The following CLSTN2 variants were observed in gnomAD, a reference collection of about 807,000 sequenced individuals.
CLSTN2 encodes the protein calsyntenin-2.
In CLSTN2, 48 loss-of-function variants were observed where a neutral mutation model predicts 101.2. That is an observed-to-expected ratio of 0.47 (90% CI 0.38 to 0.60). The LOEUF is 0.60. CLSTN2 is among the 20% of genes least tolerant of loss of function. The pLI is 0.00. For synonymous variants in CLSTN2, 481 were observed against 463.6 expected (o/e 1.04, Z -0.48); for missense variants, 1,160 against 1,238.2 (o/e 0.94, Z 0.95).
intron 1 of CLSTN2, among the ~76,000 whole-genome samples, chr3:140,169,529 C>G (rs954157934): frequency 6.6e-5 from 10 of 152,042 alleles, no homozygotes; most frequent in African/African-American, 2.4e-4. Context: ...AGTGGGCCAT[C>G]CTTGTATTCT....
intron 2 of CLSTN2, among the ~76,000 whole-genome samples, chr3:140,322,572 C>G (rs897311099): frequency 6.6e-6 from 1 of 152,166 alleles, no homozygotes; most frequent in East Asian, 1.9e-4. Context: ...TGTACTGAGT[C>G]TTTTAGAATA....
At position 140,266,085 on chromosome 3, in the gene CLSTN2, A is replaced by G. The variant is rs141574239; in HGVS notation, c.232+90012A>G. Among the ~76,000 whole-genome samples the G allele has an allele frequency of 4.3e-3, 654 of 152,234 alleles. 4 individuals are homozygous for G. The highest frequency in any genetic ancestry group is 0.015 in the African/African-American group (616 of 41,538). ...ACAGCCTTCAATAGCTCAACATCTG[A>G]AACAGAGGTGCTGGATTGCTGAGGG... On this transcript the variant is annotated intron_variant, in intron 2 of 16. Coordinates refer to ENST00000458420, the MANE Select transcript of CLSTN2 (RefSeq NM_022131.3).
Position 140,061,307 on chromosome 3 carries a change from A to G in CLSTN2, c.110-114644A>G, listed in dbSNP as rs950513678. Among the ~76,000 whole-genome samples the G allele has an allele frequency of 3.4e-4, 52 of 152,206 alleles. 1 individual carries two copies. The highest frequency in any genetic ancestry group is 1.2e-3 in the African/African-American group (49 of 41,460). ...TCTGGAGCATTAGTTGGTTTCTAAC[A>G]TAAGTCCATTTAGACCCCATGCTCT... On this transcript the variant is annotated intron_variant, in intron 1 of 16. Coordinates refer to ENST00000458420, the MANE Select transcript of CLSTN2 (RefSeq NM_022131.3).
chr3:140,533,047 A>G (rs1297156937), intron 9 of CLSTN2, among the ~76,000 whole-genome samples: 1 of 152,212 alleles, frequency 6.6e-6, no homozygotes, highest in Admixed American at 6.5e-5. Context: ...CTAAGGACAG[A>G]GGCCCTTTAT....
rs1933467882 is a variant in CLSTN2, at chr3:140,458,338, A to C, written c.974-1183A>C. On this transcript the variant is annotated intron_variant, in intron 6 of 16. Coordinates refer to ENST00000458420, the MANE Select transcript of CLSTN2 (RefSeq NM_022131.3). ...ATGACTGACTGGTCAGTGCCATATG[A>C]GGAAACAGCCCCCATACCCCTGCCC... 2.6e-5 allele frequency among the ~76,000 whole-genome samples: 4 copies of C among 152,066 alleles called. 1 individual carries two copies. In the South Asian group the frequency reaches 8.3e-4, roughly 32 times the overall value.
At chr3:140,523,255 T>C (rs2107774801) in intron 8 of CLSTN2, among the ~76,000 whole-genome samples, 1 of 152,242 alleles carries the variant, frequency 6.6e-6, no homozygotes, top group East Asian at 1.9e-4. Context: ...ATTCAGACAG[T>C]CCTTTGAAGC....
chr3:140,536,627 T>C (rs1024456059), intron 9 of CLSTN2, among the ~76,000 whole-genome samples: 2 of 152,032 alleles, frequency 1.3e-5, no homozygotes, highest in African/African-American at 4.8e-5. Flanking sequence ...TATCATGCAG[T>C]GTTTTAGGCC....
chr3:140,066,527 G>A (rs983738993), intron 1 of CLSTN2, among the ~76,000 whole-genome samples: 3 of 152,160 alleles, frequency 2.0e-5, no homozygotes, highest in Non-Finnish European at 4.4e-5. Flanking sequence ...CTCTAGAAAG[G>A]AAGAGGATTA....
chr3:140,198,165 G>C (rs150160175), intron 2 of CLSTN2, among the ~76,000 whole-genome samples: 152 of 152,268 alleles, frequency 1.0e-3, no homozygotes, highest in African/African-American at 3.6e-3. Flanking sequence ...CATAGTGGAT[G>C]GTTGCTCTTA....
At chr3:140,473,385 T>C (rs1933899555) in intron 8 of CLSTN2, among the ~76,000 whole-genome samples, 1 of 152,212 alleles carries the variant, frequency 6.6e-6, no homozygotes. Context: ...TATGTGGCAT[T>C]ACATGGCAAG....
At position 140,515,890 on chromosome 3, in the gene CLSTN2, T is replaced by C. The variant is rs900989786; in HGVS notation, c.1345-16434T>C. 2.0e-5 allele frequency among the ~76,000 whole-genome samples: 3 copies of C among 152,186 alleles called. No individual in the cohort carries two copies. The East Asian group carries it at 5.8e-4, about 29-fold the overall frequency. ...TTATAGTTTAAGTAAGTTGTTTCTT[T>C]GTTGACTTTCTGCCTTGAGGACATG... On this transcript the variant is annotated intron_variant, in intron 8 of 16. Coordinates refer to ENST00000458420, the MANE Select transcript of CLSTN2 (RefSeq NM_022131.3).
chr3:140,393,533 G>A (rs1033804428), intron 2 of CLSTN2, among the ~76,000 whole-genome samples: 12 of 152,206 alleles, frequency 7.9e-5, no homozygotes, highest in African/African-American at 2.9e-4. Flanking sequence ...CCTTACAGGA[G>A]GTGGCTGCTT....
At chr3:140,367,511 CAAA>C (rs34398474) in intron 2 of CLSTN2, among the ~76,000 whole-genome samples, 2,197 of 96,730 alleles carry the variant, frequency 0.023, 42 homozygotes, top group African/African-American at 0.081. Context: ...CACTTTGTCT[CAAA>C]AAAAAAAAAA....
intron 1 of CLSTN2, among the ~76,000 whole-genome samples, chr3:140,153,429 T>A (rs912916049): frequency 6.6e-6 from 1 of 152,240 alleles, no homozygotes; most frequent in East Asian, 1.9e-4. Flanking sequence ...CCAGCAGCAG[T>A]GCAGAGCAGG....
chr3:140,119,472 C>A (rs114281339), intron 1 of CLSTN2, among the ~76,000 whole-genome samples: 4 of 152,108 alleles, frequency 2.6e-5, no homozygotes, highest in Non-Finnish European at 2.9e-5. Flanking sequence ...AATTATATCA[C>A]AGTTAATTGT....
chr3:140,422,964 G>A (rs1437956865), intron 5 of CLSTN2, among the ~76,000 whole-genome samples: 1 of 152,172 alleles, frequency 6.6e-6, no homozygotes, highest in Non-Finnish European at 1.5e-5. Flanking sequence ...ATGAAGATTA[G>A]CTCCAATGAA....
At chr3:140,557,562 G>A (rs897780971) in intron 11 of CLSTN2, among the ~76,000 whole-genome samples, 6 of 152,186 alleles carry the variant, frequency 3.9e-5, no homozygotes, top group Admixed American at 2.6e-4. Flanking sequence ...GGTCGGGAGT[G>A]CTGTGGGGTT....
intron 2 of CLSTN2, among the ~76,000 whole-genome samples, chr3:140,206,771 TGG>T (rs1173849593): frequency 6.6e-6 from 1 of 152,142 alleles, no homozygotes; most frequent in Non-Finnish European, 1.5e-5. Context: ...TTAGAATCTC[TGG>T]GTAGAGAGAG....
In CLSTN2 at chr3:140,150,698, T is replaced by A. The variant is rs202206236; in HGVS notation, c.110-25253T>A. On this transcript the variant is annotated intron_variant, in intron 1 of 16. Transcript: ENST00000458420. The stretch of plus-strand genomic sequence containing the variant: ...TCCAGAGGTGTGTTGAGGCTGCCAT[T>A]GGGCTGTATCACAGCTCCACTTCTT... Among the ~76,000 whole-genome samples the A allele has an allele frequency of 6.6e-5, 10 of 152,280 alleles. No individual in the cohort carries two copies. In the East Asian group the frequency reaches 1.9e-3, roughly 29 times the overall value.
Sources: allele counts gnomAD v4.1 joint callset (sites outside exome capture counted in the v4.1 genomes callset), GRCh38; gene constraint gnomAD v4.1.1; transcripts MANE v1.5; gene names NCBI Gene and HGNC (gene_info 2026-07-23, HGNC 2026-07-21).